CDRT4: variants seen among roughly 807,000 people sequenced by gnomAD.
CDRT4 encodes CMT1A duplicated region transcript 4 protein.
For synonymous variants in CDRT4, 64 were observed against 69.6 expected (o/e 0.92, Z 0.40); for missense variants, 167 against 193.1 (o/e 0.87, Z 0.80).
intron 3 of CDRT4, 138 bp from the exon 4 acceptor site, chr17:15,438,338 T>C: frequency 1.4e-6 from 1 of 740,176 alleles, no homozygotes; most frequent in Non-Finnish European, 2.2e-6. Context: ...AGGAATAAAA[T>C]CCAATTCAAA....
At chr17:15,439,836 A>G (rs1388545826) in intron 3 of CDRT4, among the ~76,000 whole-genome samples, 3 of 152,126 alleles carry the variant, frequency 2.0e-5, no homozygotes, top group Admixed American at 1.3e-4. Context: ...AACTATCACA[A>G]GGACAAAAAA....
chr17:15,441,620 T>C (rs901541084), intron 2 of CDRT4, among the ~76,000 whole-genome samples: 1 of 152,200 alleles, frequency 6.6e-6, no homozygotes, highest in African/African-American at 2.4e-5. Flanking sequence ...GTAGTGAGTG[T>C]GTCATTGACA....
At position 15,456,378 on chromosome 17, in the gene CDRT4, A is replaced by G. The variant is rs116454329; in HGVS notation, c.-129-3293T>C. 3.5e-3 allele frequency among the ~76,000 whole-genome samples: 528 copies of G among 152,266 alleles called. 2 individuals carry two copies. The highest frequency in any genetic ancestry group is 0.012 in the African/African-American group (512 of 41,546). ...ATTACTGGAGAGGTATAGAGATCTG[A>G]CATTTTCATGGTTTCTTTTGAAAAC... On this transcript the variant is annotated intron_variant, in intron 1 of 3. Transcript: ENST00000619038.
intron 2 of CDRT4, among the ~76,000 whole-genome samples, chr17:15,449,029 A>G (rs1209854607): frequency 2.0e-5 from 3 of 152,294 alleles, no homozygotes; most frequent in Non-Finnish European, 4.4e-5. Flanking sequence ...ACGATGCTAC[A>G]TCCAAAATCT....
rs1261144187 is a variant in CDRT4 at position 15,450,689 on chromosome 17, A to G, written c.-48+2315T>C. On this transcript the variant is annotated intron_variant, in intron 2 of 3. Coordinates refer to ENST00000619038, the MANE Select transcript of CDRT4 (RefSeq NM_001204477.2). This position sits in a 1 kb window ranked among gnomAD's most constrained non-coding sequence, Gnocchi z 4.2. ...CTGACTTCTTTCCCAAAGTCCAAAT[A>G]CATATATCCAACTGCCAATATACTA... Among the ~76,000 whole-genome samples the G allele has an allele frequency of 6.6e-6, 1 of 152,086 alleles. No individual in the cohort carries two copies. Among genetic ancestry groups the G allele is most frequent in the Non-Finnish European group, 1.5e-5 (1 of 68,028 alleles).
At chr17:15,460,553 G>C (rs765214073) in intron 1 of CDRT4, among the ~76,000 whole-genome samples, 2 of 152,140 alleles carry the variant, frequency 1.3e-5, no homozygotes, top group Non-Finnish European at 1.5e-5. Flanking sequence ...GTGACTTCCT[G>C]AAAGCCACAC....
In CDRT4 at chr17:15,437,528, G is replaced by C. The variant is rs780374556; in HGVS notation, c.*245C>G. ...ATTTTGGTCCTGAGAATCTGCAGCA[G>C]AGACTAGAGCCAGGGACTGCCCAAA... is the stretch of plus-strand genomic sequence containing the variant. On this transcript the variant is annotated 3_prime_UTR_variant, in exon 4 of 4. Transcript: ENST00000619038. 3.1e-5 allele frequency: 17 copies of C among 548,966 alleles called. No homozygotes were observed. The highest frequency in any genetic ancestry group is 5.1e-5 in the South Asian group (2 of 39,120). 34.0% of individuals were successfully genotyped at this position (548,966 alleles called of 1,614,324 possible).
intron 1 of CDRT4, among the ~76,000 whole-genome samples, chr17:15,461,495 C>A (rs1183790294): frequency 6.6e-6 from 1 of 152,158 alleles, no homozygotes; most frequent in African/African-American, 2.4e-5. Context: ...ACGGATGAGA[C>A]CAGTGGTCTG....
chr17:15,443,871 G>A, intron 2 of CDRT4: 1 of 611,804 alleles, frequency 1.6e-6, no homozygotes. Context: ...CATGATCAAG[G>A]GTGTCACACT....
At position 15,437,583 on chromosome 17, in the gene CDRT4, C is replaced by T. The variant is rs1978548453; in HGVS notation, c.*190G>A. ...CCAGAGAGCAGTGTGGGAGGGGACACACTCACCCACCCACCTACAGCTTGC... is the reference window on the plus strand; with the variant it reads ...CCAGAGAGCAGTGTGGGAGGGGACATACTCACCCACCCACCTACAGCTTGC... On this transcript the variant is annotated 3_prime_UTR_variant, in exon 4 of 4. Coordinates refer to ENST00000619038, the MANE Select transcript of CDRT4 (RefSeq NM_001204477.2). 8.0e-6 allele frequency: 5 copies of T among 627,378 alleles called. No individual in the cohort carries two copies. The highest frequency in any genetic ancestry group is 1.4e-5 in the Non-Finnish European group (5 of 363,286). The allele number at this position is 627,378 out of a possible 1,614,324, so 38.9% of individuals were successfully genotyped here.
chr17:15,443,139 A>G (rs1978847498), intron 2 of CDRT4, among the ~76,000 whole-genome samples: 1 of 152,226 alleles, frequency 6.6e-6, no homozygotes, highest in Non-Finnish European at 1.5e-5. Flanking sequence ...TTTGGCCTAA[A>G]TCATTCAATT....
chr17:15,439,063 T>C, intron 3 of CDRT4: 1 of 454,334 alleles, frequency 2.2e-6, no homozygotes, highest in Non-Finnish European at 4.4e-6. Context: ...TCCAAAATCA[T>C]GGGCATGTCA....
chr17:15,447,556 C>T (rs1180482719), intron 2 of CDRT4, among the ~76,000 whole-genome samples: 10 of 152,210 alleles, frequency 6.6e-5, no homozygotes, highest in Admixed American at 6.5e-4. Context: ...TGAAGAAACA[C>T]TTTATAAATT....
At chr17:15,454,749 T>C (rs1053326238) in intron 1 of CDRT4, among the ~76,000 whole-genome samples, 2 of 152,166 alleles carry the variant, frequency 1.3e-5, no homozygotes, top group Non-Finnish European at 2.9e-5. Flanking sequence ...GCACAGAATT[T>C]GGAGGTAGGA....
Position 15,462,088 on chromosome 17 carries a change from T to C in CDRT4, c.-130+5372A>G, listed in dbSNP as rs148413490. ...CAGCACACTTAGGGAACTGCAGAAA[T>C]GGCTAATACAGAGGGTGCTCAAGGG... On this transcript the variant is annotated intron_variant, in intron 1 of 3. Transcript: ENST00000619038. Among the ~76,000 whole-genome samples, 1,175 of 152,106 alleles carry C rather than the reference T, an allele frequency of 7.7e-3. 12 individuals carry two copies. The highest frequency in any genetic ancestry group is 0.027 in the African/African-American group (1,122 of 41,466).
At chr17:15,457,375 G>A (rs1169861856) in intron 1 of CDRT4, among the ~76,000 whole-genome samples, 1 of 152,208 alleles carries the variant, frequency 6.6e-6, no homozygotes, top group East Asian at 1.9e-4. Flanking sequence ...GCCCTCTAGG[G>A]TGGGAAATGT....
At position 15,437,987 on chromosome 17, in the gene CDRT4, G is replaced by C. The variant is rs778905762; in HGVS notation, c.245C>G (p.Ser82Cys). 1.2e-6 allele frequency: 2 copies of C among 1,614,168 alleles called. No individual in the cohort carries two copies. Among genetic ancestry groups the C allele is most frequent in the Admixed American group, 1.7e-5 (1 of 60,010 alleles). Residue 82 changes from serine to cysteine, a missense_variant, in exon 4 of 4, where the codon TCC becomes TGC. Coordinates refer to ENST00000619038, the MANE Select transcript of CDRT4 (RefSeq NM_001204477.2). The stretch of plus-strand genomic sequence containing the variant: ...GAACACAGCTTTGCCAGAAGACTTG[G>C]AAGACTTCCTCCTTTTCGGCTGAAT... ...SVIQPKRRKS[S>C]KSSGKAVFRD... is the part of the protein sequence containing the mutation.
intron 2 of CDRT4, among the ~76,000 whole-genome samples, chr17:15,445,825 C>T (rs1276223103): frequency 2.0e-5 from 3 of 152,166 alleles, no homozygotes; most frequent in Non-Finnish European, 4.4e-5. Context: ...TTTGTCTCAC[C>T]TCCCACTTTT....
chr17:15,438,558 G>A (rs1292734424), intron 3 of CDRT4, among the ~76,000 whole-genome samples: 2 of 152,174 alleles, frequency 1.3e-5, no homozygotes, highest in Admixed American at 1.3e-4. Flanking sequence ...TCAAGGGCTT[G>A]GAACAGTACA....
Sources: gnomAD v4.1 joint callset for allele counts (sites outside exome capture counted in the v4.1 genomes callset) on GRCh38, gnomAD v4.1.1 for gene constraint, Gnocchi (gnomAD v3.1) non-coding constraint, MANE v1.5 for transcripts, NCBI Gene and HGNC (gene_info 2026-07-23, HGNC 2026-07-21) for gene names.